GAB2: variants seen among roughly 807,000 people sequenced by gnomAD.
GAB2 encodes the protein GRB2 associated binding protein 2.
GAB2 carries 26 observed loss-of-function variants against 65.5 expected under a neutral mutation model. The ratio of observed to expected loss-of-function variants is 0.40; its 90% CI spans 0.29 to 0.55. The LOEUF is 0.55. Ranked by LOEUF, GAB2 falls within the 20% of genes least tolerant of loss-of-function variation. The pLI is 0.53. For synonymous variants in GAB2, 321 were observed against 329.6 expected (o/e 0.97, Z 0.28); for missense variants, 884 against 875.8 (o/e 1.01, Z -0.12).
intron 1 of GAB2, among the ~76,000 whole-genome samples, chr11:78,371,590 T>C (rs1468018436): frequency 6.6e-6 from 1 of 152,236 alleles, no homozygotes; most frequent in Non-Finnish European, 1.5e-5. Flanking sequence ...TTATGATCAC[T>C]CACTACACTG....
At chr11:78,304,705 C>A (rs918385410) in intron 1 of GAB2, among the ~76,000 whole-genome samples, 1 of 152,128 alleles carries the variant, frequency 6.6e-6, no homozygotes, top group Admixed American at 6.5e-5. Context: ...CTACCTGCAG[C>A]CTGACATTAA....
chr11:78,383,385 T>A (rs952402900), intron 1 of GAB2, among the ~76,000 whole-genome samples: 1 of 151,908 alleles, frequency 6.6e-6, no homozygotes, highest in Admixed American at 6.6e-5. Context: ...AAAAAATTCA[T>A]TAATTCAAAC....
At chr11:78,310,358 A>AG (rs1262352712) in intron 1 of GAB2, among the ~76,000 whole-genome samples, 3 of 151,076 alleles carry the variant, frequency 2.0e-5, no homozygotes, top group Non-Finnish European at 4.4e-5. Flanking sequence ...AAAAAAAAAA[A>AG]AAAAATTAGC....
At chr11:78,240,642 G>T (rs1214406662) in intron 3 of GAB2, among the ~76,000 whole-genome samples, 1 of 152,118 alleles carries the variant, frequency 6.6e-6, no homozygotes, top group Non-Finnish European at 1.5e-5. Flanking sequence ...GCTACATGGT[G>T]TATCAATCCC....
At chr11:78,289,038 C>A (rs1866572136) in intron 1 of GAB2, among the ~76,000 whole-genome samples, 1 of 152,178 alleles carries the variant, frequency 6.6e-6, no homozygotes, top group Non-Finnish European at 1.5e-5. Context: ...TGGATTAGAA[C>A]AGAAAACCCA....
At chr11:78,258,785 C>T (rs1188700692) in intron 2 of GAB2, among the ~76,000 whole-genome samples, 4 of 152,004 alleles carry the variant, frequency 2.6e-5, no homozygotes, top group Admixed American at 2.6e-4. Context: ...CTTTAAATAG[C>T]ACATACAATA....
intron 1 of GAB2, among the ~76,000 whole-genome samples, chr11:78,400,416 C>T (rs1440461851): frequency 6.6e-6 from 1 of 152,148 alleles, no homozygotes; most frequent in Non-Finnish European, 1.5e-5. Context: ...GCCTTGAAGG[C>T]AGGGATGAGT....
At position 78,226,556 on chromosome 11, in the gene GAB2, T is replaced by C. The variant is rs2134467843; in HGVS notation, c.1116A>G (p.Arg372=). ...ATCTGCTATTTTCACTGATTGGCGG[T>C]CTCTGCTGAGGACTGCCCCATCGAG... ...ETPRWGSPQQ[R]PPISENSRSV... is the part of the protein sequence containing the mutation. The change falls in exon 4 of 10, where the codon AGA becomes AGG. Residue 372 remains arginine, a synonymous_variant. Coordinates refer to ENST00000361507, the MANE Select transcript of GAB2 (RefSeq NM_080491.3). 6.3e-7 allele frequency: 1 copy of C among 1,586,578 alleles called. No individual in the cohort carries two copies. Among genetic ancestry groups the C allele is most frequent in the East Asian group, 2.4e-5 (1 of 42,344 alleles).
chr11:78,414,003 G>A (rs1291606501), intron 1 of GAB2, among the ~76,000 whole-genome samples: 1 of 149,940 alleles, frequency 6.7e-6, no homozygotes, highest in Non-Finnish European at 1.5e-5. Context: ...CAGGAGAATC[G>A]CTTGAACCCA....
chr11:78,231,142 G>T (rs1366579280), intron 3 of GAB2, among the ~76,000 whole-genome samples: 2 of 152,168 alleles, frequency 1.3e-5, no homozygotes, highest in Non-Finnish European at 2.9e-5. Flanking sequence ...GGCAGAGTTG[G>T]AGCAGGAAGA....
At chr11:78,364,872 G>T (rs867899029) in intron 1 of GAB2, among the ~76,000 whole-genome samples, 1 of 152,146 alleles carries the variant, frequency 6.6e-6, no homozygotes, top group Non-Finnish European at 1.5e-5. Context: ...GTTGGGAAAA[G>T]CTTCCCAGGT....
intron 1 of GAB2, among the ~76,000 whole-genome samples, chr11:78,408,380 A>G (rs926288938): frequency 2.0e-5 from 3 of 152,218 alleles, no homozygotes; most frequent in African/African-American, 4.8e-5. Flanking sequence ...GCAACCACTA[A>G]AAAAGCTGTA....
chr11:78,318,613 G>C (rs572839727), intron 1 of GAB2, among the ~76,000 whole-genome samples: 1 of 152,088 alleles, frequency 6.6e-6, no homozygotes, highest in Non-Finnish European at 1.5e-5. Context: ...TTTGCCTCAA[G>C]CAGCTCCCAC....
intron 1 of GAB2, among the ~76,000 whole-genome samples, chr11:78,352,858 T>A (rs1214905449): frequency 6.6e-6 from 1 of 152,218 alleles, no homozygotes; most frequent in Non-Finnish European, 1.5e-5. Flanking sequence ...TTTAAGTCAC[T>A]ATTAGTCAGA....
chr11:78,220,182 G>A, intron 9 of GAB2, 137 bp downstream of exon 9: 1 of 814,902 alleles, frequency 1.2e-6, no homozygotes, highest in Non-Finnish European at 2.0e-6. Flanking sequence ...GACTAAAGAT[G>A]CATCATAAAA....
chr11:78,370,821 C>T (rs977983710), intron 1 of GAB2, among the ~76,000 whole-genome samples: 4 of 152,080 alleles, frequency 2.6e-5, no homozygotes, highest in African/African-American at 7.2e-5. Flanking sequence ...CTCCAGCTTC[C>T]AACTGCTCTG....
chr11:78,356,904 C>T (rs1856366843), intron 1 of GAB2, among the ~76,000 whole-genome samples: 1 of 152,140 alleles, frequency 6.6e-6, no homozygotes, highest in Non-Finnish European at 1.5e-5. Context: ...CACAAAAGGA[C>T]AAATACTGTA....
intron 1 of GAB2, among the ~76,000 whole-genome samples, chr11:78,417,387 C>G (rs1050767389): frequency 2.7e-4 from 41 of 152,000 alleles, no homozygotes; most frequent in Non-Finnish European, 5.6e-4. Flanking sequence ...ACGAGCAGAC[C>G]GGCTTGGGAG....
chr11:78,254,799 A>T (rs1456827902), intron 2 of GAB2, among the ~76,000 whole-genome samples: 1 of 151,724 alleles, frequency 6.6e-6, no homozygotes, highest in Non-Finnish European at 1.5e-5. Context: ...CCTTGTCTCT[A>T]AAAAAAGAAA....
Sources: gnomAD v4.1 joint callset for allele counts (sites outside exome capture counted in the v4.1 genomes callset) on GRCh38, gnomAD v4.1.1 for gene constraint, MANE v1.5 for transcripts, NCBI Gene and HGNC (gene_info 2026-07-23, HGNC 2026-07-21) for gene names.